LANCL2: variants seen among roughly 807,000 people sequenced by gnomAD.
LANCL2 encodes the protein lanC-like protein 2.
In LANCL2, 33 loss-of-function variants were observed where a neutral mutation model predicts 56.9. The ratio of observed to expected loss-of-function variants is 0.58; its 90% confidence interval spans 0.44 to 0.78. The LOEUF (loss-of-function observed/expected upper bound fraction) is 0.78. Among genes scored for constraint, LANCL2 ranks in the 30% least tolerant of loss-of-function variants. The pLI, the probability that LANCL2 is intolerant of heterozygous loss-of-function variation, is 0.00. For missense variants in LANCL2, 562 were observed against 580.2 expected, an observed-to-expected ratio of 0.97 and a Z score of 0.32; for synonymous variants, 233 against 228.2, an observed-to-expected ratio of 1.02 and a Z score of -0.19.
At chr7:55,383,515 C>T (rs1162638174) in intron 1 of LANCL2, among the ~76,000 whole-genome samples, 2 of 152,112 alleles carry the variant, frequency 1.3e-5, no homozygotes, top group Non-Finnish European at 2.9e-5. Flanking sequence ...CTGGGGGTGG[C>T]CATGTTGGGC....
At chr7:55,367,631 A>G (rs1789890356) in intron 1 of LANCL2, among the ~76,000 whole-genome samples, 1 of 152,214 alleles carries the variant, frequency 6.6e-6, no homozygotes, top group Admixed American at 6.5e-5. Flanking sequence ...AGGCCGAGGT[A>G]TGAGAATCGC....
At chr7:55,427,608 A>G (rs1421682244) in intron 7 of LANCL2, among the ~76,000 whole-genome samples, 1 of 152,226 alleles carries the variant, frequency 6.6e-6, no homozygotes, top group Non-Finnish European at 1.5e-5. Flanking sequence ...TCTGACTCGG[A>G]AAACTGGGTA....
At chr7:55,391,747 G>T (rs1336541524) in intron 1 of LANCL2, 46 bp from the exon 2 acceptor site, 2 of 1,004,212 alleles carry the variant, frequency 2.0e-6, no homozygotes, top group Non-Finnish European at 1.6e-6. Flanking sequence ...TTGCAACATT[G>T]TCCCATTCTT....
chr7:55,397,460 C>CAAA (rs35547837), intron 2 of LANCL2, among the ~76,000 whole-genome samples: 4 of 90,324 alleles, frequency 4.4e-5, no homozygotes, highest in East Asian at 6.0e-4. Context: ...GACTCTGTCT[C>CAAA]AAAAAAAAAA....
chr7:55,412,195 C>A, intron 6 of LANCL2, 106 bp downstream of exon 6: 1 of 992,322 alleles, frequency 1.0e-6, no homozygotes, highest in Non-Finnish European at 1.5e-6. Context: ...CACTAAAAAC[C>A]TTTTAGAATG....
intron 6 of LANCL2, among the ~76,000 whole-genome samples, chr7:55,418,615 CTG>C (rs1790571689): frequency 6.6e-6 from 1 of 152,206 alleles, no homozygotes. Context: ...TTTCCAACCT[CTG>C]TGCCTTTTAT....
chr7:55,415,763 G>A (rs1393949589), intron 6 of LANCL2, among the ~76,000 whole-genome samples: 2 of 151,832 alleles, frequency 1.3e-5, no homozygotes, highest in Non-Finnish European at 2.9e-5. Context: ...ACAGGCACAC[G>A]TCACCATGCC....
intron 4 of LANCL2, 55 bp from the exon 5 acceptor site, chr7:55,401,119 C>A: frequency 1.3e-6 from 2 of 1,489,094 alleles, no homozygotes; most frequent in South Asian, 1.2e-5. Context: ...GTTAATTAGA[C>A]TACAACAGGG....
chr7:55,392,022 GT>G, intron 2 of LANCL2, 112 bp downstream of exon 2: 1 of 622,966 alleles, frequency 1.6e-6, no homozygotes, highest in Non-Finnish European at 2.8e-6. Context: ...GCCAGGCACG[GT>G]GGCTGACGCC....
chr7:55,418,317 T>TA (rs1255634295), intron 6 of LANCL2, among the ~76,000 whole-genome samples: 1 of 152,030 alleles, frequency 6.6e-6, no homozygotes, highest in Non-Finnish European at 1.5e-5. Flanking sequence ...TAGCTGGGAT[T>TA]ACAGGTGTGC....
At chr7:55,403,499 G>A (rs975760703) in intron 5 of LANCL2, among the ~76,000 whole-genome samples, 5 of 148,204 alleles carry the variant, frequency 3.4e-5, no homozygotes, top group Admixed American at 6.7e-5. Context: ...ATTTTCTTTC[G>A]GTATGGAGTC....
rs1188557335 is a variant in LANCL2, at chr7:55,401,190, T to C, written c.695T>C (p.Ile232Thr). 1.2e-6 allele frequency: 2 copies of C among 1,614,088 alleles called. No individual in the cohort carries two copies. Among genetic ancestry groups the C allele is most frequent in the Admixed American group, 1.7e-5 (1 of 60,020 alleles). Residue 232 changes from isoleucine to threonine, a missense_variant, in exon 5 of 9, where the codon ATT (isoleucine) becomes ACT (threonine). Physicochemically the swap from Ile to Thr is moderately conservative, Grantham distance 89. Around this residue, in one of 2 missense-constraint regions of LANCL2, gnomAD observed 378 missense variants for 468.4 expected, o/e 0.81. Transcript: ENST00000254770. ...TCTCTGTAGGTAGTCAATGCTATTA[T>C]TGAATCGGGTAAGACTTTGTCAAGG... ...SAIKEVVNAI[I>T]ESGKTLSREE...
At chr7:55,374,236 C>A (rs537293223) in intron 1 of LANCL2, among the ~76,000 whole-genome samples, 1 of 152,212 alleles carries the variant, frequency 6.6e-6, no homozygotes, top group Admixed American at 6.5e-5. Context: ...ATATCCCCTA[C>A]GAAGCATACA....
At position 55,429,287 on chromosome 7, in the gene LANCL2, G is replaced by A. The variant is rs559720396; in HGVS notation, c.1258+840G>A. Among the ~76,000 whole-genome samples the A allele has an allele frequency of 1.4e-4, 22 of 152,316 alleles. No homozygotes were observed. In the South Asian group the frequency reaches 4.4e-3, roughly 30 times the overall value. On this transcript the variant is annotated intron_variant, in intron 8 of 8. Coordinates refer to ENST00000254770, the MANE Select transcript of LANCL2 (RefSeq NM_018697.4). ...CTTAAATGTTTGGTAGAATTCTCCAGTACAAACTTCTAGGTCTGGAGATTT... is the reference window on the plus strand; with the variant it reads ...CTTAAATGTTTGGTAGAATTCTCCAATACAAACTTCTAGGTCTGGAGATTT...
At chr7:55,376,022 G>A (rs926768317) in intron 1 of LANCL2, among the ~76,000 whole-genome samples, 8 of 152,116 alleles carry the variant, frequency 5.3e-5, no homozygotes, top group Non-Finnish European at 1.2e-4. Flanking sequence ...GGGCTCATGG[G>A]ATTAGATGGG....
chr7:55,428,353 A>G, intron 7 of LANCL2, 22 bp from the exon 8 acceptor site: 1 of 1,610,818 alleles, frequency 6.2e-7, no homozygotes, highest in Non-Finnish European at 8.5e-7. Context: ...CCAGTCTTAA[A>G]AAGAAATCCC....
chr7:55,401,392 A>G, intron 5 of LANCL2, 72 bp downstream of exon 5: 1 of 1,375,334 alleles, frequency 7.3e-7, no homozygotes, highest in South Asian at 1.3e-5. Context: ...TCCTGCATAT[A>G]AACAAAGCAG....
At chr7:55,383,233 A>G (rs574517359) in intron 1 of LANCL2, among the ~76,000 whole-genome samples, 1 of 152,330 alleles carries the variant, frequency 6.6e-6, no homozygotes, top group South Asian at 2.1e-4. Context: ...AGAGAGTTTA[A>G]TAGGCAAGAA....
chr7:55,429,042 G>T (rs1164811328), intron 8 of LANCL2, among the ~76,000 whole-genome samples: 1 of 152,140 alleles, frequency 6.6e-6, no homozygotes, highest in Non-Finnish European at 1.5e-5. Flanking sequence ...TTTGTATGTG[G>T]GTATGGGCGT....
Sources: allele counts gnomAD v4.1 joint callset (sites outside exome capture counted in the v4.1 genomes callset), GRCh38; gene constraint gnomAD v4.1.1; regional missense constraint gnomAD v4.1.1; transcripts MANE v1.5; gene names NCBI Gene and HGNC (gene_info 2026-07-23, HGNC 2026-07-21).